The following SHOC2 variants were observed in gnomAD, a reference collection of about 807,000 sequenced individuals.
SHOC2 encodes SHOC2 leucine rich repeat scaffold protein.
Under a neutral mutation model 50.2 loss-of-function variants are expected in SHOC2, and 4 were observed. That is an observed-to-expected ratio of 0.08 (90% CI 0.04 to 0.18). SHOC2 has a LOEUF of 0.18. Ranked by LOEUF, SHOC2 falls within the 10% of genes least tolerant of loss-of-function variation. The probability of loss-of-function intolerance (pLI) is 1.00; values close to 1 mark genes in which losing one functional copy is unlikely to be tolerated. For missense variants in SHOC2, 388 were observed against 669.6 expected (o/e 0.58, Z 4.64); for synonymous variants, 218 against 244.5 (o/e 0.89, Z 1.01).
intron 1 of SHOC2, among the ~76,000 whole-genome samples, chr10:110,953,384 A>G (rs532490926): frequency 2.1e-4 from 32 of 152,224 alleles, no homozygotes; most frequent in Non-Finnish European, 4.0e-4. Context: ...TTGGATTCAT[A>G]CAGTATGTAG....
At chr10:110,955,598 G>A (rs952411264) in intron 1 of SHOC2, among the ~76,000 whole-genome samples, 12 of 152,142 alleles carry the variant, frequency 7.9e-5, no homozygotes, top group African/African-American at 2.4e-4. Context: ...ATTCATACTT[G>A]CGGTATCACG....
intron 1 of SHOC2, among the ~76,000 whole-genome samples, chr10:110,923,809 G>A (rs1846702436): frequency 6.6e-6 from 1 of 152,136 alleles, no homozygotes; most frequent in African/African-American, 2.4e-5. Context: ...ACTATCTTTT[G>A]TTGATAGCAC....
intron 1 of SHOC2, among the ~76,000 whole-genome samples, chr10:110,945,238 T>C (rs80325821): frequency 0.061 from 9,354 of 152,284 alleles, 335 homozygotes; most frequent in East Asian, 0.1. Context: ...TCAGGTCACA[T>C]ACGGTCAGCA....
At chr10:110,990,684 G>A (rs1455182981) in intron 3 of SHOC2, among the ~76,000 whole-genome samples, 1 of 151,918 alleles carries the variant, frequency 6.6e-6, no homozygotes, top group Non-Finnish European at 1.5e-5. Flanking sequence ...CAACCCACTC[G>A]GGTCCCCTTC....
chr10:110,966,523 T>C (rs1169783275), intron 2 of SHOC2, among the ~76,000 whole-genome samples: 2 of 152,254 alleles, frequency 1.3e-5, no homozygotes, highest in South Asian at 2.1e-4. Flanking sequence ...TGTTGTTTTG[T>C]GTATGTGTTA....
intron 1 of SHOC2, among the ~76,000 whole-genome samples, chr10:110,938,088 C>A (rs1415836160): frequency 6.6e-6 from 1 of 152,060 alleles, no homozygotes; most frequent in Non-Finnish European, 1.5e-5. Context: ...TTCTGAATGG[C>A]ATCTTGTTTT....
intron 2 of SHOC2, among the ~76,000 whole-genome samples, chr10:110,977,729 CT>C (rs1464031291): frequency 4.6e-5 from 7 of 152,078 alleles, no homozygotes; most frequent in Non-Finnish European, 1.0e-4. Flanking sequence ...TTTTAGTAGC[CT>C]TTTGTCTACA....
Position 110,936,800 on chromosome 10 carries a change from A to G in SHOC2, c.-235+17143A>G, listed in dbSNP as rs766463844. 47 of 1,144,772 alleles carry G rather than the reference A, an allele frequency of 4.1e-5. No homozygotes were observed. In the African/African-American group the frequency reaches 6.5e-4, roughly 16 times the overall value. The allele number at this position is 1,144,772 out of a possible 1,614,324, so 70.9% of individuals were successfully genotyped here. A position where few individuals can be genotyped will look rare whatever the true frequency, so the allele number is the denominator to read the frequency against. ...TGTCACTGCGTGGTACTTCCAGCCA[A>G]CCTCGTGAGCCAGGTGCCCCAGATA... On this transcript the variant is annotated intron_variant, in intron 1 of 8. Coordinates refer to ENST00000369452, the MANE Select transcript of SHOC2 (RefSeq NM_007373.4).
chr10:111,002,470 A>G (rs1464641895), intron 4 of SHOC2, among the ~76,000 whole-genome samples: 2 of 152,220 alleles, frequency 1.3e-5, no homozygotes, highest in Non-Finnish European at 2.9e-5. Flanking sequence ...GACTTATTTT[A>G]ATGTAGGTGT....
rs1279991354 is a variant in SHOC2 at position 110,970,734 on chromosome 10, T to G, written c.703+5673T>G. Among the ~76,000 whole-genome samples, 63 of 151,728 alleles carry G rather than the reference T, an allele frequency of 4.2e-4. 1 individual carries two copies. Among genetic ancestry groups the G allele is most frequent in the African/African-American group, 1.5e-3 (61 of 41,420 alleles). On this transcript the variant is annotated intron_variant, in intron 2 of 8. Transcript: ENST00000369452. Reference sequence around the variant, plus strand: ...GTTGTTGTTGTTGTGATGATGTTTTTTTTTTTTTTTGTCATTTTGATGATA... The same window carrying G: ...GTTGTTGTTGTTGTGATGATGTTTTGTTTTTTTTTTGTCATTTTGATGATA...
intron 2 of SHOC2, among the ~76,000 whole-genome samples, chr10:110,973,204 A>G (rs1156416226): frequency 1.3e-5 from 2 of 152,206 alleles, no homozygotes; most frequent in Non-Finnish European, 2.9e-5. Context: ...ATGTATTTTA[A>G]TAAGATTTGC....
chr10:110,992,207 G>C (rs1848197568), intron 3 of SHOC2, among the ~76,000 whole-genome samples: 1 of 152,090 alleles, frequency 6.6e-6, no homozygotes, highest in Non-Finnish European at 1.5e-5. Flanking sequence ...TAGTATCGCT[G>C]ACAACTCATA....
intron 1 of SHOC2, among the ~76,000 whole-genome samples, chr10:110,921,750 C>T (rs1454926128): frequency 2.6e-5 from 4 of 152,136 alleles, no homozygotes; most frequent in Non-Finnish European, 5.9e-5. Flanking sequence ...CCCTGTTGTG[C>T]TATGAAATAC....
At chr10:110,954,630 C>T (rs894217465) in intron 1 of SHOC2, among the ~76,000 whole-genome samples, 13 of 152,174 alleles carry the variant, frequency 8.5e-5, no homozygotes, top group African/African-American at 2.7e-4. Flanking sequence ...ACAGAGCTTA[C>T]ATTCTTGCAG....
intron 2 of SHOC2, among the ~76,000 whole-genome samples, chr10:110,969,294 C>T (rs1847733138): frequency 6.6e-6 from 1 of 152,158 alleles, no homozygotes; most frequent in Non-Finnish European, 1.5e-5. Context: ...ACTCTTCACT[C>T]TATACAAAGA....
intron 1 of SHOC2, among the ~76,000 whole-genome samples, chr10:110,923,942 T>C (rs1025933370): frequency 1.3e-5 from 2 of 152,194 alleles, no homozygotes; most frequent in African/African-American, 4.8e-5. Flanking sequence ...TTTTCTAATG[T>C]CTTGGAGGTA....
chr10:110,942,372 G>A (rs2134092512), intron 1 of SHOC2, among the ~76,000 whole-genome samples: 1 of 152,186 alleles, frequency 6.6e-6, no homozygotes, highest in South Asian at 2.1e-4. Flanking sequence ...TTTTGAGACA[G>A]GGTCTTGCTC....
At chr10:111,011,161 G>A (rs1590840540) in intron 8 of SHOC2, among the ~76,000 whole-genome samples, 1 of 152,220 alleles carries the variant, frequency 6.6e-6, no homozygotes, top group South Asian at 2.1e-4. Context: ...TTGCACATAA[G>A]AAATTTATTA....
intron 2 of SHOC2, among the ~76,000 whole-genome samples, 153 bp downstream of exon 2, chr10:110,965,214 A>G (rs532291124): frequency 6.6e-5 from 10 of 152,282 alleles, no homozygotes; most frequent in African/African-American, 2.2e-4. Context: ...CATTTTCAGC[A>G]CTGTTAATAG....
Sources: allele counts gnomAD v4.1 joint callset (sites outside exome capture counted in the v4.1 genomes callset), GRCh38; gene constraint gnomAD v4.1.1; transcripts MANE v1.5; gene names NCBI Gene and HGNC (gene_info 2026-07-23, HGNC 2026-07-21).